The following RUBCNL variants were observed in gnomAD, a reference collection of about 807,000 sequenced individuals.
RUBCNL encodes rubicon like autophagy enhancer.
A neutral mutation model predicts 69.5 loss-of-function variants in RUBCNL; 62 were observed. The observed-to-expected ratio is 0.89, with a 90% CI of 0.73 to 1.10. The LOEUF is 1.10. Among genes scored for constraint, RUBCNL ranks in the 50% least tolerant of loss-of-function variants. The pLI is 0.00. For missense variants in RUBCNL, 768 were observed against 798.1 expected, an observed-to-expected ratio of 0.96 and a Z score of 0.45; for synonymous variants, 291 against 303.6, an observed-to-expected ratio of 0.96 and a Z score of 0.43.
chr13:46,355,286 A>G (rs932582083), intron 10 of RUBCNL, among the ~76,000 whole-genome samples: 2 of 147,470 alleles, frequency 1.4e-5, no homozygotes, highest in African/African-American at 5.1e-5. Context: ...GACTGAGGAA[A>G]GCCCGAGCTT....
chr13:46,388,305 A>AGGAAGGAAGGAAGGAAGGAAG (rs1450896594), upstream of RUBCNL, among the ~76,000 whole-genome samples: 11 of 139,244 alleles, frequency 7.9e-5, no homozygotes, highest in Non-Finnish European at 1.1e-4. Flanking sequence ...GAGGGAGGGA[A>AGGAAGGAAGGAAGGAAGGAAG]GAAGGAAGGA....
chr13:46,363,297 T>C (rs1424225045), intron 5 of RUBCNL, 84 bp from the exon 6 acceptor site: 3 of 560,966 alleles, frequency 5.3e-6, no homozygotes, highest in East Asian at 3.5e-5. Context: ...TAAATAGAAA[T>C]TGGGAAATGA....
intron 12 of RUBCNL, among the ~76,000 whole-genome samples, chr13:46,347,056 G>T (rs2048260990): frequency 1.3e-5 from 2 of 152,140 alleles, no homozygotes; most frequent in African/African-American, 4.8e-5. Context: ...GGACACTGAG[G>T]TTTGGAGTAT....
chr13:46,372,308 G>C lies in RUBCNL; in HGVS notation c.168C>G (p.Pro56=), dbSNP rs1161461857. The change falls in exon 3 of 15, where the codon CCC becomes CCG. Residue 56 remains proline, a synonymous_variant. Transcript: ENST00000429979. ...LMRHKAVWIN[P]QDVQQQPQDL... ...CCTGCGGCTGTTGCTGCACATCCTG[G>C]GGGTTAATCCAGACAGCTTTGTGCC... 2.5e-6 allele frequency: 4 copies of C among 1,613,986 alleles called. No individual in the cohort carries two copies. Among genetic ancestry groups the C allele is most frequent in the Non-Finnish European group, 3.4e-6 (4 of 1,179,892 alleles).
At chr13:46,351,571 A>C (rs9526170) in intron 10 of RUBCNL, among the ~76,000 whole-genome samples, 1 of 151,982 alleles carries the variant, frequency 6.6e-6, no homozygotes, top group Non-Finnish European at 1.5e-5. Flanking sequence ...GTGGCAGCCA[A>C]AATGTCCATC....
intron 12 of RUBCNL, among the ~76,000 whole-genome samples, chr13:46,348,209 G>A (rs1277374385): frequency 6.6e-6 from 1 of 152,170 alleles, no homozygotes; most frequent in African/African-American, 2.4e-5. Flanking sequence ...GTTGTTAAAT[G>A]ATACAGAGTT....
chr13:46,359,560 CTTAAAT>C lies in RUBCNL; in HGVS notation c.1185_1190del (p.Phe396_Lys397del). On this transcript the variant is annotated inframe_deletion, in exon 9 of 15. Coordinates refer to ENST00000429979, the MANE Select transcript of RUBCNL (RefSeq NM_025113.5). ...AGTCTTCAGTCCCTCTGATCCTAGA[CTTAAAT>C]TTAATTTCCTGTACTACATTCATAC... The C allele has an allele frequency of 6.3e-7, 1 of 1,592,180 alleles. No individual in the cohort carries two copies. The highest frequency in any genetic ancestry group is 8.6e-7 in the Non-Finnish European group (1 of 1,168,386).
Position 46,386,401 on chromosome 13 carries a change from A to T in RUBCNL, c.-239+733T>A, listed in dbSNP as rs1162304518. Among the ~76,000 whole-genome samples the T allele has an allele frequency of 5.3e-5, 8 of 152,212 alleles. No homozygotes were observed. The East Asian group carries it at 1.3e-3, about 26-fold the overall frequency. Reference sequence around the variant, plus strand: ...TCCACAGAAATAACCCAGTAAGGGCAGCTCTTGAGTATACCTTTTCCTTTG... The same window carrying T: ...TCCACAGAAATAACCCAGTAAGGGCTGCTCTTGAGTATACCTTTTCCTTTG... On this transcript the variant is annotated intron_variant, in intron 1 of 14. Transcript: ENST00000429979.
intron 3 of RUBCNL, among the ~76,000 whole-genome samples, chr13:46,371,161 C>T (rs1438910160): frequency 6.6e-6 from 1 of 151,852 alleles, no homozygotes; most frequent in African/African-American, 2.4e-5. Flanking sequence ...GAGAAATAGA[C>T]AGGCAGGCAG....
At chr13:46,351,017 C>G (rs2478044) in intron 10 of RUBCNL, 41,339 of 152,304 alleles carry the variant, frequency 0.27, 5,959 homozygotes, top group Middle Eastern at 0.31. Flanking sequence ...AATCCTAGCA[C>G]TTTGGGAGGC....
chr13:46,377,194 T>C (rs180889784), intron 2 of RUBCNL, among the ~76,000 whole-genome samples: 1 of 152,358 alleles, frequency 6.6e-6, no homozygotes, highest in Non-Finnish European at 1.5e-5. Flanking sequence ...GAGATGACTA[T>C]AGATGTGAAA....
rs1471423386 is a variant in RUBCNL, at chr13:46,340,693, T to C, written c.*2692A>G. 6.6e-6 allele frequency among the ~76,000 whole-genome samples: 1 copy of C among 152,114 alleles called. No homozygotes were observed. Among genetic ancestry groups the C allele is most frequent in the East Asian group, 1.9e-4 (1 of 5,176 alleles). On this transcript the variant is annotated 3_prime_UTR_variant, in exon 15 of 15. Transcript: ENST00000429979. ...TAGGACTTGTGGCTGCTTCCACTCA[T>C]GGTGGAGGGGAAGGGGAGCCTGCGT...
At chr13:46,376,008 A>G in intron 2 of RUBCNL, among the ~76,000 whole-genome samples, 1 of 152,164 alleles carries the variant, frequency 6.6e-6, no homozygotes, top group East Asian at 1.9e-4. Context: ...TGAACAGTAA[A>G]TATATTCTCT....
In RUBCNL at chr13:46,344,722, T is replaced by C. The variant is rs771340581; in HGVS notation, c.1876+19A>G. ...TAGTTAACCTATTATTAAGCTTATG[T>C]TATTAAGTTATTAAATACCTGAACA... On this transcript the variant is annotated intron_variant, in intron 14 of 14. Transcript: ENST00000429979. 15 of 1,521,482 alleles carry C rather than the reference T, an allele frequency of 9.9e-6. No homozygotes were observed. The highest frequency in any genetic ancestry group is 1.3e-5 in the Non-Finnish European group (14 of 1,104,900). The allele number at this position is 1,521,482 out of a possible 1,614,324, so 94.2% of individuals were successfully genotyped here. A position where few individuals can be genotyped will look rare whatever the true frequency, so the allele number is the denominator to read the frequency against.
At chr13:46,351,828 C>CTTTTTTT (rs57329384) in intron 10 of RUBCNL, among the ~76,000 whole-genome samples, 7 of 129,780 alleles carry the variant, frequency 5.4e-5, no homozygotes, top group East Asian at 2.3e-4. Flanking sequence ...GCTCTTTACA[C>CTTTTTTT]TTTTTTTTTT....
Position 46,335,988 on chromosome 13 carries a change from C to A in RUBCNL, c.*7397G>T, listed in dbSNP as rs1004629175. ...AGATGGCAAAACTGAGCCCTGGAATCTCTGTCTTTATTTAGAGATGGACAG... is the reference window on the plus strand; with the variant it reads ...AGATGGCAAAACTGAGCCCTGGAATATCTGTCTTTATTTAGAGATGGACAG... On this transcript the variant is annotated 3_prime_UTR_variant, in exon 15 of 15. Transcript: ENST00000429979. Among the ~76,000 whole-genome samples the A allele has an allele frequency of 1.3e-5, 2 of 152,164 alleles. No individual in the cohort carries two copies. Among genetic ancestry groups the A allele is most frequent in the African/African-American group, 4.8e-5 (2 of 41,446 alleles).
At chr13:46,377,795 G>C in intron 2 of RUBCNL, 95 bp downstream of exon 2, 1 of 608,416 alleles carries the variant, frequency 1.6e-6, no homozygotes, top group Non-Finnish European at 2.8e-6. Context: ...AAAGCATTGA[G>C]AGTTAGAATA....
intron 5 of RUBCNL, among the ~76,000 whole-genome samples, chr13:46,367,538 T>C (rs1324552554): frequency 6.6e-6 from 1 of 152,130 alleles, no homozygotes; most frequent in Admixed American, 6.5e-5. Context: ...GAACGGAGCA[T>C]GATAACCAAT....
At chr13:46,385,581 T>C (rs960213816) in intron 1 of RUBCNL, among the ~76,000 whole-genome samples, 2 of 151,858 alleles carry the variant, frequency 1.3e-5, no homozygotes, top group Non-Finnish European at 2.9e-5. Context: ...CTATTATTTG[T>C]GTGCCTTCAG....
Sources: allele counts gnomAD v4.1 joint callset (sites outside exome capture counted in the v4.1 genomes callset), GRCh38; gene constraint gnomAD v4.1.1; transcripts MANE v1.5; gene names NCBI Gene and HGNC (gene_info 2026-07-23, HGNC 2026-07-21).